RGS17: variants seen among roughly 807,000 people sequenced by gnomAD.
RGS17 encodes regulator of G-protein signaling 17.
A neutral mutation model predicts 25.5 loss-of-function variants in RGS17; 12 were observed. The ratio of observed to expected loss-of-function variants is 0.47; its 90% CI spans 0.30 to 0.76. The LOEUF (loss-of-function observed/expected upper bound fraction) is 0.76. RGS17 is among the 30% of genes least tolerant of loss of function. The pLI is 0.07. For missense variants in RGS17, 196 were observed against 242.2 expected (o/e 0.81, Z 1.27); for synonymous variants, 71 against 76.9 (o/e 0.92, Z 0.40).
intron 1 of RGS17, among the ~76,000 whole-genome samples, chr6:153,074,405 C>T (rs1776848097): frequency 6.6e-6 from 1 of 152,160 alleles, no homozygotes; most frequent in Non-Finnish European, 1.5e-5. Context: ...AATGCATCCT[C>T]TTCATTTAGT....
At chr6:153,076,410 G>A (rs1202171141) in intron 1 of RGS17, among the ~76,000 whole-genome samples, 1 of 152,168 alleles carries the variant, frequency 6.6e-6, no homozygotes, top group Non-Finnish European at 1.5e-5. Context: ...ACAGGACCCT[G>A]TGATTTTTAA....
intron 1 of RGS17, among the ~76,000 whole-genome samples, chr6:153,122,320 T>C (rs1777644320): frequency 6.6e-6 from 1 of 152,144 alleles, no homozygotes; most frequent in Admixed American, 6.5e-5. Flanking sequence ...TTGGAGACAA[T>C]TCCAGTGTGG....
intron 2 of RGS17, among the ~76,000 whole-genome samples, chr6:153,038,846 A>G (rs1235634733): frequency 1.3e-5 from 2 of 152,190 alleles, no homozygotes; most frequent in African/African-American, 4.8e-5. Context: ...TACAGAGGCC[A>G]TGGTACTTGT....
At chr6:153,042,783 T>G (rs1480768807) in intron 2 of RGS17, among the ~76,000 whole-genome samples, 1 of 152,222 alleles carries the variant, frequency 6.6e-6, no homozygotes, top group Non-Finnish European at 1.5e-5. Context: ...AGGTTACCAC[T>G]CTAGTACAGC....
At chr6:153,094,468 C>T (rs566750937) in intron 1 of RGS17, among the ~76,000 whole-genome samples, 1 of 152,238 alleles carries the variant, frequency 6.6e-6, no homozygotes, top group Non-Finnish European at 1.5e-5. Context: ...TTATAGATAA[C>T]TTCTCATCCT....
chr6:153,021,497 GGTTTAAAACATA>G (rs1779247902), intron 4 of RGS17, among the ~76,000 whole-genome samples: 1 of 152,118 alleles, frequency 6.6e-6, no homozygotes, highest in African/African-American at 2.4e-5. Flanking sequence ...AGGATACCTT[GGTTTAAAACATA>G]GCTTTTTAAC....
At chr6:153,121,633 C>T (rs1777632729) in intron 1 of RGS17, among the ~76,000 whole-genome samples, 1 of 152,160 alleles carries the variant, frequency 6.6e-6, no homozygotes, top group African/African-American at 2.4e-5. Context: ...AAATAAAAAG[C>T]TTATCATACA....
At chr6:153,108,264 G>A (rs992052305) in intron 1 of RGS17, among the ~76,000 whole-genome samples, 23 of 152,162 alleles carry the variant, frequency 1.5e-4, no homozygotes, top group African/African-American at 5.6e-4. Flanking sequence ...ATGCATCTGA[G>A]GAACATATTC....
chr6:153,027,132 C>T (rs1165913040), intron 2 of RGS17, among the ~76,000 whole-genome samples: 1 of 152,102 alleles, frequency 6.6e-6, no homozygotes, highest in Non-Finnish European at 1.5e-5. Flanking sequence ...TGTCCAAGGT[C>T]TTGAAAGGGA....
chr6:153,111,227 C>T (rs988260115), intron 1 of RGS17, among the ~76,000 whole-genome samples: 13 of 152,182 alleles, frequency 8.5e-5, no homozygotes, highest in South Asian at 2.1e-4. Context: ...GCAGTCTGAA[C>T]TTGCTGGGAT....
At chr6:153,083,939 G>A (rs1008207496) in intron 1 of RGS17, among the ~76,000 whole-genome samples, 4 of 152,120 alleles carry the variant, frequency 2.6e-5, no homozygotes, top group Non-Finnish European at 5.9e-5. Context: ...AAAAATCATT[G>A]TAAATCTCAT....
At chr6:153,040,122 TTTCTC>T (rs1422957679) in intron 2 of RGS17, among the ~76,000 whole-genome samples, 1 of 113,770 alleles carries the variant, frequency 8.8e-6, no homozygotes, top group East Asian at 2.9e-4. Context: ...ATCCTCCTGT[TTTCTC>T]TTCTTTAATT....
At chr6:153,048,754 T>A (rs187871346) in intron 1 of RGS17, among the ~76,000 whole-genome samples, 10 of 152,328 alleles carry the variant, frequency 6.6e-5, no homozygotes, top group Non-Finnish European at 1.5e-5. Context: ...ATGACCATCT[T>A]ATTTAAAAAT....
chr6:153,020,111 A>AT (rs1554235102), intron 4 of RGS17, among the ~76,000 whole-genome samples: 76 of 58,438 alleles, frequency 1.3e-3, no homozygotes, highest in South Asian at 5.2e-3. Flanking sequence ...AAAAAAAAAA[A>AT]ATATATATAT....
At chr6:153,024,057 C>T (rs1265378349) in intron 4 of RGS17, among the ~76,000 whole-genome samples, 1 of 152,164 alleles carries the variant, frequency 6.6e-6, no homozygotes, top group African/African-American at 2.4e-5. Flanking sequence ...CACAAGTCAG[C>T]TAGAGATAAA....
chr6:153,081,160 T>TTC (rs1343046428), intron 1 of RGS17, among the ~76,000 whole-genome samples: 1 of 152,112 alleles, frequency 6.6e-6, no homozygotes, highest in Non-Finnish European at 1.5e-5. Context: ...TCTCTAGCCT[T>TTC]TCTACTTGTT....
chr6:153,114,656 T>C (rs1035102337), intron 1 of RGS17, among the ~76,000 whole-genome samples: 23 of 152,232 alleles, frequency 1.5e-4, no homozygotes, highest in African/African-American at 5.3e-4. Context: ...ATATCCCTGA[T>C]GAACATCGAC....
At position 153,094,367 on chromosome 6, in the gene RGS17, T is replaced by C. The variant is rs983111232; in HGVS notation, c.-26+36757A>G. ...GTGCAAGGATTACAGGCGTGAGCAT[T>C]GTGCTCAGTGGCCTACTGAACTCTT... On this transcript the variant is annotated intron_variant, in intron 1 of 4. Transcript: ENST00000206262. Among the ~76,000 whole-genome samples the C allele has an allele frequency of 5.3e-5, 8 of 152,252 alleles. No individual in the cohort carries two copies. The East Asian group carries it at 1.5e-3, about 29-fold the overall frequency.
chr6:153,066,433 C>A (rs1054842112), intron 1 of RGS17, among the ~76,000 whole-genome samples: 29 of 152,226 alleles, frequency 1.9e-4, no homozygotes, highest in African/African-American at 6.5e-4. Flanking sequence ...TAAAGAAGAA[C>A]CAATAACAAT....
Sources: allele counts gnomAD v4.1 joint callset (sites outside exome capture counted in the v4.1 genomes callset), GRCh38; gene constraint gnomAD v4.1.1; transcripts MANE v1.5; gene names NCBI Gene and HGNC (gene_info 2026-07-23, HGNC 2026-07-21).